Variants in RASGRF2 observed in about 807,000 individuals in gnomAD.
RASGRF2 encodes Ras protein specific guanine nucleotide releasing factor 2.
In RASGRF2, 76 loss-of-function variants were observed where a neutral mutation model predicts 151.0. The observed-to-expected ratio is 0.50, with a 90% confidence interval of 0.42 to 0.61. The LOEUF (loss-of-function observed/expected upper bound fraction) is 0.61, where lower values mean the gene tolerates loss of function less well. RASGRF2 is among the 20% of genes least tolerant of loss of function. RASGRF2 has a pLI of 0.00. For missense variants in RASGRF2, 1,148 were observed against 1,564.6 expected, an observed-to-expected ratio of 0.73 and a Z score of 4.49; for synonymous variants, 504 against 566.5, an observed-to-expected ratio of 0.89 and a Z score of 1.57.
At chr5:81,171,549 TTGTGTG>T (rs57890623) in intron 17 of RASGRF2, among the ~76,000 whole-genome samples, 3 of 150,518 alleles carry the variant, frequency 2.0e-5, no homozygotes, top group Non-Finnish European at 3.0e-5. Flanking sequence ...CCTTTTGTGT[TTGTGTG>T]TGTGTGTGTG....
chr5:81,018,678 G>C (rs1400085382), intron 1 of RASGRF2, among the ~76,000 whole-genome samples: 1 of 152,018 alleles, frequency 6.6e-6, no homozygotes, highest in Admixed American at 6.6e-5. Flanking sequence ...AAAGAAGAAA[G>C]GGAAAAAACA....
intron 12 of RASGRF2, among the ~76,000 whole-genome samples, chr5:81,103,167 T>G (rs1752747300): frequency 1.3e-5 from 2 of 151,986 alleles, no homozygotes; most frequent in South Asian, 4.2e-4. Flanking sequence ...GACCACAACA[T>G]TACATACTCA....
intron 18 of RASGRF2, among the ~76,000 whole-genome samples, chr5:81,191,776 G>C (rs1242302795): frequency 6.6e-6 from 1 of 152,082 alleles, no homozygotes; most frequent in South Asian, 2.1e-4. Context: ...CGGGGTTGTG[G>C]GGCAGTATTT....
intron 1 of RASGRF2, among the ~76,000 whole-genome samples, chr5:81,014,569 G>T (rs1749570544): frequency 6.6e-6 from 1 of 152,132 alleles, no homozygotes; most frequent in Non-Finnish European, 1.5e-5. Context: ...ATGAGATTTG[G>T]GTTGGGAAAC....
At chr5:81,032,046 G>C (rs533820003) in intron 1 of RASGRF2, among the ~76,000 whole-genome samples, 164 of 152,158 alleles carry the variant, frequency 1.1e-3, no homozygotes, top group African/African-American at 3.5e-3. Context: ...ACTAGAAAAT[G>C]TAGAAGAAAT....
intron 17 of RASGRF2, among the ~76,000 whole-genome samples, chr5:81,131,911 GTGT>G (rs1753632079): frequency 6.6e-6 from 1 of 152,198 alleles, no homozygotes; most frequent in South Asian, 2.1e-4. Flanking sequence ...CAGGATTGTA[GTGT>G]TGTGCTTTCA....
intron 11 of RASGRF2, among the ~76,000 whole-genome samples, chr5:81,094,623 A>G (rs1037047066): frequency 2.0e-5 from 3 of 152,194 alleles, no homozygotes; most frequent in African/African-American, 7.2e-5. Flanking sequence ...AAAAAAAACT[A>G]TGAAATCAGA....
At chr5:81,217,571 C>CTTT (rs1561265129) in intron 25 of RASGRF2, 98 bp downstream of exon 25, 13 of 360,996 alleles carry the variant, frequency 3.6e-5, no homozygotes, top group South Asian at 3.4e-4. Context: ...TTTTTTTTCT[C>CTTT]TTCTTTTTTT....
At chr5:81,034,927 C>A (rs951137514) in intron 1 of RASGRF2, among the ~76,000 whole-genome samples, 18 of 151,282 alleles carry the variant, frequency 1.2e-4, no homozygotes, top group Admixed American at 1.2e-3. Context: ...TGCACATGTA[C>A]CCTAAAACTT....
rs1426688000 is a variant in RASGRF2 at position 81,185,535 on chromosome 5, G to T, written c.2793+5254G>T. ...GAGGACAGACATTGCCAGGGTCAGG[G>T]GAGCTGGCCATAAGTCTCCCACAGA... On this transcript the variant is annotated intron_variant, in intron 18 of 26. Transcript: ENST00000265080. Among the ~76,000 whole-genome samples the T allele has an allele frequency of 2.0e-5, 3 of 152,116 alleles. No individual in the cohort carries two copies. The East Asian group carries it at 5.8e-4, about 29-fold the overall frequency.
chr5:81,196,284 A>G (rs995343308), intron 18 of RASGRF2, among the ~76,000 whole-genome samples: 1 of 152,204 alleles, frequency 6.6e-6, no homozygotes, highest in South Asian at 2.1e-4. Flanking sequence ...ACAAAAAATT[A>G]TATACTAAAG....
intron 1 of RASGRF2, among the ~76,000 whole-genome samples, chr5:81,018,957 G>A (rs533209626): frequency 2.0e-5 from 3 of 151,946 alleles, no homozygotes; most frequent in African/African-American, 4.8e-5. Context: ...CGCCCACCAC[G>A]CCCAGCTAAT....
intron 14 of RASGRF2, among the ~76,000 whole-genome samples, chr5:81,113,118 G>A (rs1450678878): frequency 3.3e-5 from 5 of 151,930 alleles, no homozygotes; most frequent in Non-Finnish European, 5.9e-5. Context: ...CATTGCTTTC[G>A]GCTTTTCTTT....
chr5:81,076,007 A>G (rs1244600861), intron 5 of RASGRF2, among the ~76,000 whole-genome samples: 1 of 152,204 alleles, frequency 6.6e-6, no homozygotes, highest in Admixed American at 6.5e-5. Context: ...TGAAAACCAG[A>G]AGAGTGAGTT....
chr5:81,159,471 T>C (rs1754333622), intron 17 of RASGRF2, among the ~76,000 whole-genome samples: 1 of 152,256 alleles, frequency 6.6e-6, no homozygotes, highest in South Asian at 2.1e-4. Context: ...GACCACGTAC[T>C]CTACGATTCC....
At chr5:81,016,903 A>T (rs16878319) in intron 1 of RASGRF2, among the ~76,000 whole-genome samples, 2,792 of 152,276 alleles carry the variant, frequency 0.018, 103 homozygotes, top group African/African-American at 0.064. Flanking sequence ...GAGAATCAGA[A>T]CTGTTTTCAA....
chr5:81,132,765 C>T (rs1753656066), intron 17 of RASGRF2, among the ~76,000 whole-genome samples: 1 of 152,156 alleles, frequency 6.6e-6, no homozygotes, highest in African/African-American at 2.4e-5. Flanking sequence ...CTTTTGGTAC[C>T]ATCATTGATC....
At position 81,211,123 on chromosome 5, in the gene RASGRF2, A is replaced by G. The variant is rs74566849; in HGVS notation, c.3157-1243A>G. Among the ~76,000 whole-genome samples the G allele has an allele frequency of 6.7e-5, 10 of 149,158 alleles. No individual in the cohort carries two copies. In the East Asian group the frequency reaches 2.0e-3, roughly 29 times the overall value. On this transcript the variant is annotated intron_variant, in intron 22 of 26. Transcript: ENST00000265080. ...CATGCCACTGTATTCCACCTGGGGC[A>G]ATAGAGCAAGATCCTGTCTCCAGAA...
chr5:81,224,054 A>ACC (rs1755919374), intron 26 of RASGRF2, among the ~76,000 whole-genome samples: 1 of 152,234 alleles, frequency 6.6e-6, no homozygotes, highest in South Asian at 2.1e-4. Flanking sequence ...TAAGCAGTAG[A>ACC]CAATGAGACA....
Sources: allele counts gnomAD v4.1 joint callset (sites outside exome capture counted in the v4.1 genomes callset), GRCh38; gene constraint gnomAD v4.1.1; transcripts MANE v1.5; gene names NCBI Gene and HGNC (gene_info 2026-07-23, HGNC 2026-07-21).